The following HDAC5 variants were observed in gnomAD, a reference collection of about 807,000 sequenced individuals.
The protein encoded by HDAC5 is histone deacetylase 5, also known as antigen NY-CO-9.
A neutral mutation model predicts 133.3 loss-of-function variants in HDAC5; 25 were observed. That is an observed-to-expected ratio of 0.19 (90% CI 0.14 to 0.26). The LOEUF is 0.26. HDAC5 is among the 10% of genes least tolerant of loss of function. HDAC5 has a pLI of 1.00. For missense variants in HDAC5, 1,041 were observed against 1,460.5 expected (o/e 0.71, Z 4.68); for synonymous variants, 589 against 610.8 (o/e 0.96, Z 0.53).
intron 6 of HDAC5, 106 bp downstream of exon 6, chr17:44,092,986 G>T (rs1424914510): frequency 9.1e-6 from 7 of 767,464 alleles, no homozygotes; most frequent in Non-Finnish European, 1.5e-5. Context: ...AGGAGAGATT[G>T]CAGGGCCCGT....
rs545779692 is a variant in HDAC5 at position 44,082,383 on chromosome 17, T to C, written c.2607+202A>G. 5.4e-5 allele frequency: 32 copies of C among 591,402 alleles called. No individual in the cohort carries two copies. The East Asian group carries it at 8.7e-4, about 16-fold the overall frequency. The allele number at this position is 591,402 out of a possible 1,614,324, so 36.6% of individuals were successfully genotyped here. A position where few individuals can be genotyped will look rare whatever the true frequency, so the allele number is the denominator to read the frequency against. Reference sequence around the variant, plus strand: ...AACAGGAGCTAAATGTCTTTCATAGTTGAGGAGGGAGCCCTGTTGGAATGT... The same window carrying C: ...AACAGGAGCTAAATGTCTTTCATAGCTGAGGAGGGAGCCCTGTTGGAATGT... On this transcript the variant is annotated intron_variant, in intron 20 of 26. Coordinates refer to ENST00000682912, the MANE Select transcript of HDAC5 (RefSeq NM_005474.5).
Position 44,083,786 on chromosome 17 carries a change from T to G in HDAC5, c.2355+19A>C. ...AGGAGAGCCGCCCGCCCACCCCCAC[T>G]GCTGTACGCCCTACTCACCCCGATG... On this transcript the variant is annotated intron_variant, in intron 17 of 26. Coordinates refer to ENST00000682912, the MANE Select transcript of HDAC5 (RefSeq NM_005474.5). The G allele has an allele frequency of 4.2e-6, 3 of 706,068 alleles. No homozygotes were observed. The highest frequency in any genetic ancestry group is 7.2e-6 in the Non-Finnish European group (3 of 417,394). The allele number at this position is 706,068 out of a possible 1,614,324, so 43.7% of individuals were successfully genotyped here.
At position 44,078,522 on chromosome 17, in the gene HDAC5, C is replaced by T. The variant is rs1241731024; in HGVS notation, c.3307G>A (p.Ala1103Thr). ...TACCTGGGGCTGTGTTCCCGGGCTG[C>T]CGCAGCCTGGGCCTGCTCGGCCCCC... The part of the protein sequence containing the change: ...SVGAEQAQAA[A>T]AREHSPRPAE... Residue 1103 changes from alanine (A) to threonine (T), a missense_variant, in exon 26 of 27, where the codon GCA becomes ACA. Around this residue, in one of 9 missense-constraint regions of HDAC5, gnomAD observed 95 missense variants for 107.3 expected, o/e 0.88. Coordinates refer to ENST00000682912, the MANE Select transcript of HDAC5 (RefSeq NM_005474.5). The T allele has an allele frequency of 2.5e-6, 4 of 1,610,734 alleles. No homozygotes were observed. Among genetic ancestry groups the T allele is most frequent in the Non-Finnish European group, 3.4e-6 (4 of 1,178,658 alleles).
chr17:44,078,985 C>T, intron 24 of HDAC5, 106 bp from the exon 25 acceptor site: 1 of 1,520,070 alleles, frequency 6.6e-7, no homozygotes, highest in East Asian at 2.3e-5. Flanking sequence ...CAGGGGCAAA[C>T]ATGGCCTTTT....
intron 3 of HDAC5, among the ~76,000 whole-genome samples, chr17:44,101,561 G>A (rs773095052): frequency 6.6e-6 from 1 of 152,146 alleles, no homozygotes; most frequent in African/African-American, 2.4e-5. Flanking sequence ...AATGAGGTCC[G>A]TGCAGATACT....
rs990946311 is a variant in HDAC5 at position 44,080,497 on chromosome 17, A to G, written c.2729T>C (p.Val910Ala). Reference sequence around the variant, plus strand: ...GTACCCCACGCCTGGTCCTCCACCAACCTGGCACCAGAGTTGGGGAGAGGG... The same window carrying G: ...GTACCCCACGCCTGGTCCTCCACCAGCCTGGCACCAGAGTTGGGGAGAGGG... ...FFPGSGAPEE[V>A]GGGPGVGYNV... Residue 910 changes from valine (V) to alanine (A), a missense_variant and splice_region_variant, in exon 22 of 27, where the codon GTT (valine) becomes GCT (alanine). By Grantham distance (64) the Val-to-Ala change is moderately conservative (BLOSUM62 0). This residue lies in a region of HDAC5 where 174 missense variants were observed against 352.7 expected (regional missense o/e 0.49). Transcript: ENST00000682912. 6 of 1,613,954 alleles carry G rather than the reference A, an allele frequency of 3.7e-6. No individual in the cohort carries two copies. The highest frequency in any genetic ancestry group is 1.3e-5 in the African/African-American group (1 of 74,914).
intron 11 of HDAC5, among the ~76,000 whole-genome samples, chr17:44,090,825 G>A (rs11655987): frequency 0.018 from 2,735 of 152,116 alleles, 45 homozygotes; most frequent in Non-Finnish European, 0.028. Flanking sequence ...GAGTAGCTGG[G>A]ACTACAGGTG....
At position 44,123,532 on chromosome 17, in the gene HDAC5, G is replaced by GGCGGCGGCGGCAGCA; in HGVS notation, c.-233_-219dup. ...CTGCGGCTCGAGCTCCGGCTTCGCG[G>GGCGGCGGCGGCAGCA]GCGGCGGCGGCAGCAGCGGCGGCGG... On this transcript the variant is annotated 5_prime_UTR_variant, in exon 1 of 27. Transcript: ENST00000682912. The GGCGGCGGCGGCAGCA allele has an allele frequency of 5.0e-6, 2 of 396,242 alleles. No individual in the cohort carries two copies. Among genetic ancestry groups the GGCGGCGGCGGCAGCA allele is most frequent in the Non-Finnish European group, 4.4e-6 (1 of 225,660 alleles). 24.5% of individuals were successfully genotyped at this position (396,242 alleles called of 1,614,324 possible). A position where few individuals can be genotyped will look rare whatever the true frequency, so the allele number is the denominator to read the frequency against.
At chr17:44,100,230 C>G (rs2051505793) in intron 3 of HDAC5, among the ~76,000 whole-genome samples, 1 of 152,100 alleles carries the variant, frequency 6.6e-6, no homozygotes, top group Admixed American at 6.5e-5. Context: ...CTGAACACAC[C>G]ATGAGCTGCA....
At chr17:44,103,558 G>T (rs533078892) in intron 3 of HDAC5, among the ~76,000 whole-genome samples, 1 of 152,150 alleles carries the variant, frequency 6.6e-6, no homozygotes. Context: ...AGTTAGGCTC[G>T]GGAGAATGTA....
intron 24 of HDAC5, 104 bp downstream of exon 24, chr17:44,079,040 A>G: frequency 6.6e-7 from 1 of 1,518,500 alleles, no homozygotes; most frequent in Non-Finnish European, 9.0e-7. Context: ...GCTGTTCCTT[A>G]GGACCAAGGA....
At chr17:44,083,708 G>A in intron 17 of HDAC5, 56 bp from the exon 18 acceptor site, 2 of 1,583,568 alleles carry the variant, frequency 1.3e-6, no homozygotes, top group South Asian at 1.1e-5. Flanking sequence ...GAACAGGGGA[G>A]GGCACCTGGA....
intron 25 of HDAC5, 52 bp from the exon 26 acceptor site, chr17:44,078,717 G>A (rs768489480): frequency 1.2e-6 from 2 of 1,609,370 alleles, no homozygotes; most frequent in Admixed American, 1.7e-5. Flanking sequence ...ACACCCACAT[G>A]AACAGTCCCA....
chr17:44,114,078 T>A (rs1289737049), intron 2 of HDAC5, among the ~76,000 whole-genome samples: 1 of 152,244 alleles, frequency 6.6e-6, no homozygotes, highest in Non-Finnish European at 1.5e-5. Flanking sequence ...AGGAAAAATG[T>A]GAACACCTAC....
At position 44,087,714 on chromosome 17, in the gene HDAC5, G is replaced by C. The variant is rs992724223; in HGVS notation, c.1600-18C>G. ...GTGAGGATCTGATAACAGAATATGG[G>C]GGCACATCAGCTGGGAGTTGGGGAG... On this transcript the variant is annotated intron_variant, in intron 12 of 26. Coordinates refer to ENST00000682912, the MANE Select transcript of HDAC5 (RefSeq NM_005474.5). The C allele has an allele frequency of 6.4e-7, 1 of 1,550,666 alleles. No homozygotes were observed. Among genetic ancestry groups the C allele is most frequent in the South Asian group, 1.2e-5 (1 of 82,000 alleles).
intron 3 of HDAC5, among the ~76,000 whole-genome samples, chr17:44,100,304 C>G (rs954450715): frequency 2.6e-5 from 4 of 152,054 alleles, no homozygotes; most frequent in African/African-American, 9.7e-5. Flanking sequence ...TGACAAGAAC[C>G]CCGGCCAGCA....
chr17:44,100,363 G>C (rs2051516742), intron 3 of HDAC5, among the ~76,000 whole-genome samples: 1 of 151,988 alleles, frequency 6.6e-6, no homozygotes, highest in Non-Finnish European at 1.5e-5. Flanking sequence ...GGGGGAGGGA[G>C]CTGGCACAGT....
At chr17:44,092,828 G>GGGGC in intron 6 of HDAC5, 22 bp from the exon 7 acceptor site, 11 of 596,626 alleles carry the variant, frequency 1.8e-5, no homozygotes, top group Admixed American at 5.9e-5. Flanking sequence ...GGGGGGTGGG[G>GGGGC]ATGGAAGCAG....
At chr17:44,122,119 C>T (rs754085651) in intron 1 of HDAC5, among the ~76,000 whole-genome samples, 1 of 152,086 alleles carries the variant, frequency 6.6e-6, no homozygotes, top group Non-Finnish European at 1.5e-5. Context: ...AAGCAGGCAG[C>T]CCCCAACATG....
Sources: gnomAD v4.1 joint callset for allele counts (sites outside exome capture counted in the v4.1 genomes callset) on GRCh38, gnomAD v4.1.1 for gene constraint, gnomAD v4.1.1 regional missense constraint, MANE v1.5 for transcripts, NCBI Gene and HGNC (gene_info 2026-07-23, HGNC 2026-07-21) for gene names.